KANSL1L: variants seen among roughly 807,000 people sequenced by gnomAD.
KANSL1L encodes the protein KAT8 regulatory NSL complex subunit 1-like protein.
A neutral mutation model predicts 108.6 loss-of-function variants in KANSL1L; 25 were observed. The observed-to-expected ratio is 0.23, with a 90% CI of 0.17 to 0.32. The LOEUF (loss-of-function observed/expected upper bound fraction) is 0.32, where lower values mean the gene tolerates loss of function less well. Ranked by LOEUF, KANSL1L falls within the 10% of genes least tolerant of loss-of-function variation. The probability of loss-of-function intolerance (pLI) is 1.00; values close to 1 mark genes in which losing one functional copy is unlikely to be tolerated. For missense variants in KANSL1L, 1,137 were observed against 1,125.7 expected (o/e 1.01, Z -0.14); for synonymous variants, 405 against 395.1 (o/e 1.03, Z -0.30).
At chr2:210,038,634 T>G (rs1473785343) in intron 8 of KANSL1L, among the ~76,000 whole-genome samples, 1 of 152,038 alleles carries the variant, frequency 6.6e-6, no homozygotes, top group Non-Finnish European at 1.5e-5. Flanking sequence ...TTAATCCAAC[T>G]GAAATGTATT....
At chr2:210,096,846 C>A in intron 5 of KANSL1L, 1 of 848,766 alleles carries the variant, frequency 1.2e-6, no homozygotes, top group Non-Finnish European at 1.4e-6. Flanking sequence ...GGATACATAA[C>A]TCAACATAAA....
At chr2:210,119,428 G>A (rs1038598401) in intron 3 of KANSL1L, among the ~76,000 whole-genome samples, 4 of 152,140 alleles carry the variant, frequency 2.6e-5, no homozygotes, top group African/African-American at 7.2e-5. Context: ...TTATATTGAT[G>A]CAGAAGTCCT....
At chr2:210,085,395 C>T (rs1369971926) in intron 5 of KANSL1L, among the ~76,000 whole-genome samples, 4 of 152,106 alleles carry the variant, frequency 2.6e-5, no homozygotes, top group Non-Finnish European at 5.9e-5. Context: ...AACTATCTGT[C>T]ATTCTTATCT....
intron 5 of KANSL1L, among the ~76,000 whole-genome samples, chr2:210,079,400 A>G (rs1205655183): frequency 6.6e-6 from 1 of 151,366 alleles, no homozygotes; most frequent in Non-Finnish European, 1.5e-5. Context: ...GTTCGAGACC[A>G]GCCTGGCCAA....
At chr2:210,024,282 G>A (rs1166854842) in intron 13 of KANSL1L, 81 bp from the exon 14 acceptor site, 6 of 1,091,748 alleles carry the variant, frequency 5.5e-6, no homozygotes, top group Non-Finnish European at 6.4e-6. Context: ...AGGTATCACT[G>A]AGTCAAGTTA....
At chr2:210,168,661 T>G (rs1171234379) in intron 1 of KANSL1L, among the ~76,000 whole-genome samples, 2 of 152,114 alleles carry the variant, frequency 1.3e-5, no homozygotes, top group African/African-American at 4.8e-5. Context: ...TCTTGGATAA[T>G]GCAGCAGTTG....
intron 6 of KANSL1L, among the ~76,000 whole-genome samples, chr2:210,069,182 T>A (rs1307033852): frequency 6.6e-6 from 1 of 152,210 alleles, no homozygotes; most frequent in Non-Finnish European, 1.5e-5. Context: ...TAGAATATAA[T>A]TCAGCCAAGT....
chr2:210,045,362 A>G (rs1327944864), intron 6 of KANSL1L, among the ~76,000 whole-genome samples: 1 of 152,166 alleles, frequency 6.6e-6, no homozygotes. Flanking sequence ...CCTTTACAGT[A>G]TAATACAAAT....
chr2:210,068,299 GT>G (rs200180875), intron 6 of KANSL1L, among the ~76,000 whole-genome samples: 7 of 151,032 alleles, frequency 4.6e-5, no homozygotes, highest in African/African-American at 7.3e-5. Context: ...CTTTTTTCTT[GT>G]TTTTTTTAGC....
rs752339590 is a variant in KANSL1L at position 210,098,064 on chromosome 2, A to C, written c.1550+22T>G. 7.0e-6 allele frequency: 11 copies of C among 1,574,820 alleles called. No individual in the cohort carries two copies. The East Asian group carries it at 2.5e-4, about 36-fold the overall frequency. ...ATAGGCAAAGTTGAATTTAAAAGCT[A>C]AGCTATTCCATTGATACCTACCTCC... On this transcript the variant is annotated intron_variant, in intron 5 of 14. Transcript: ENST00000281772.
intron 12 of KANSL1L, among the ~76,000 whole-genome samples, chr2:210,026,847 T>TGCAAGCTCCGCCTCCCG (rs1329934309): frequency 6.6e-6 from 1 of 152,138 alleles, no homozygotes; most frequent in Non-Finnish European, 1.5e-5. Flanking sequence ...CTCGGCTCAT[T>TGCAAGCTCCGCCTCCCG]GCAAGCTCCG....
chr2:210,168,164 A>T (rs921638096), intron 1 of KANSL1L, among the ~76,000 whole-genome samples: 1 of 152,068 alleles, frequency 6.6e-6, no homozygotes. Flanking sequence ...TTAGTAAATT[A>T]GTTGCTAATT....
chr2:210,065,035 G>A (rs2094454329), intron 6 of KANSL1L, among the ~76,000 whole-genome samples: 2 of 151,706 alleles, frequency 1.3e-5, no homozygotes, highest in Admixed American at 1.3e-4. Context: ...AAGCATGATG[G>A]CTTACGTCTG....
intron 7 of KANSL1L, among the ~76,000 whole-genome samples, chr2:210,042,650 TAAAC>T (rs1030578299): frequency 2.6e-5 from 4 of 152,300 alleles, no homozygotes; most frequent in South Asian, 2.1e-4. Context: ...TTGTGGGAAT[TAAAC>T]AAGAAAATGT....
Position 210,094,326 on chromosome 2 carries a change from C to A in KANSL1L, c.1550+3760G>T, listed in dbSNP as rs901455051. Among the ~76,000 whole-genome samples the A allele has an allele frequency of 3.4e-4, 52 of 151,900 alleles. 1 individual carries two copies. The highest frequency in any genetic ancestry group is 1.2e-3 in the African/African-American group (50 of 41,368). ...TTCCGAGAAGTATTTATATGCTTAA[C>A]AAGGACATCTTCAGAAAGTGCTTTG... On this transcript the variant is annotated intron_variant, in intron 5 of 14. Coordinates refer to ENST00000281772, the MANE Select transcript of KANSL1L (RefSeq NM_152519.4).
intron 3 of KANSL1L, among the ~76,000 whole-genome samples, chr2:210,114,661 T>G (rs2094937808): frequency 6.6e-6 from 1 of 152,112 alleles, no homozygotes; most frequent in Non-Finnish European, 1.5e-5. Context: ...AAGCTAGACT[T>G]GTGGTAACTT....
chr2:210,032,060 G>A, intron 8 of KANSL1L: 1 of 152,328 alleles, frequency 6.6e-6, no homozygotes, highest in East Asian at 1.9e-4. Context: ...AGTGTCTGAT[G>A]TGATAAGTGT....
intron 1 of KANSL1L, among the ~76,000 whole-genome samples, chr2:210,167,403 G>A (rs1325382297): frequency 1.3e-5 from 2 of 151,974 alleles, no homozygotes; most frequent in Non-Finnish European, 2.9e-5. Flanking sequence ...AGCCACTTGG[G>A]TGGCTACATA....
At chr2:210,168,470 T>C (rs911516893) in intron 1 of KANSL1L, among the ~76,000 whole-genome samples, 9 of 152,062 alleles carry the variant, frequency 5.9e-5, no homozygotes, top group Non-Finnish European at 1.3e-4. Context: ...AAGAACCATC[T>C]CAATAATAAA....
Sources: gnomAD v4.1 joint callset for allele counts (sites outside exome capture counted in the v4.1 genomes callset) on GRCh38, gnomAD v4.1.1 for gene constraint, MANE v1.5 for transcripts, NCBI Gene and HGNC (gene_info 2026-07-23, HGNC 2026-07-21) for gene names.